The following CDK14 variants were observed in gnomAD, a reference collection of about 807,000 sequenced individuals.
The protein encoded by CDK14 is cyclin dependent kinase 14.
A neutral mutation model predicts 60.7 loss-of-function variants in CDK14; 34 were observed. The observed-to-expected ratio is 0.56, with a 90% CI of 0.43 to 0.75. CDK14 has a LOEUF of 0.75. Among genes scored for constraint, CDK14 ranks in the 30% least tolerant of loss-of-function variants. The pLI, the probability that CDK14 is intolerant of heterozygous loss-of-function variation, is 0.00. For missense variants in CDK14, 482 were observed against 564.1 expected (o/e 0.85, Z 1.47); for synonymous variants, 197 against 203.7 (o/e 0.97, Z 0.28).
chr7:91,011,965 C>G (rs1417367332), intron 10 of CDK14, among the ~76,000 whole-genome samples: 2 of 152,038 alleles, frequency 1.3e-5, no homozygotes, highest in Admixed American at 1.3e-4. Context: ...TATTTTCTTT[C>G]TACTTTGTAT....
chr7:90,676,496 C>T (rs1348865309), intron 2 of CDK14, among the ~76,000 whole-genome samples: 2 of 150,750 alleles, frequency 1.3e-5, no homozygotes, highest in Non-Finnish European at 3.0e-5. Flanking sequence ...TGGTTGGCAT[C>T]TGCAACTCCA....
intron 2 of CDK14, among the ~76,000 whole-genome samples, chr7:90,666,733 G>A (rs1800987050): frequency 6.6e-6 from 1 of 152,136 alleles, no homozygotes; most frequent in Admixed American, 6.5e-5. Flanking sequence ...ACACCAGGCA[G>A]GTTTTGTTCC....
chr7:90,997,315 A>G (rs1181404392), intron 10 of CDK14, among the ~76,000 whole-genome samples: 2 of 152,236 alleles, frequency 1.3e-5, no homozygotes, highest in South Asian at 2.1e-4. Context: ...TTGTGATGAC[A>G]GAATTATTGC....
chr7:91,034,349 C>G (rs1425643821), intron 10 of CDK14, among the ~76,000 whole-genome samples: 2 of 152,028 alleles, frequency 1.3e-5, no homozygotes, highest in Non-Finnish European at 2.9e-5. Flanking sequence ...CACAGTCATT[C>G]GCACTTTTTT....
intron 10 of CDK14, 118 bp from the exon 11 acceptor site, chr7:91,045,779 A>C (rs1797214258): frequency 9.4e-6 from 6 of 636,412 alleles, no homozygotes; most frequent in Non-Finnish European, 1.7e-5. Flanking sequence ...GGCATACGAT[A>C]ATGGAAAAAA....
intron 6 of CDK14, among the ~76,000 whole-genome samples, chr7:90,866,987 C>T (rs1450162974): frequency 1.3e-5 from 2 of 152,132 alleles, no homozygotes; most frequent in East Asian, 1.9e-4. Flanking sequence ...TTGGGAACCC[C>T]TTAGGAAATG....
intron 9 of CDK14, among the ~76,000 whole-genome samples, chr7:90,957,027 G>C (rs1021736789): frequency 3.3e-5 from 5 of 150,092 alleles, no homozygotes; most frequent in African/African-American, 1.2e-4. Context: ...TTGGACATTT[G>C]GGTTGGTTCC....
intron 9 of CDK14, among the ~76,000 whole-genome samples, chr7:90,966,646 T>G (rs997227374): frequency 5.3e-5 from 8 of 152,152 alleles, no homozygotes; most frequent in Admixed American, 3.9e-4. Context: ...CCTCCTGGGT[T>G]TAATGTCATC....
chr7:90,663,540 G>C (rs1800907307), intron 2 of CDK14, among the ~76,000 whole-genome samples: 1 of 152,104 alleles, frequency 6.6e-6, no homozygotes, highest in Non-Finnish European at 1.5e-5. Flanking sequence ...TTTTTCTAGT[G>C]TGAGAAACTA....
At chr7:90,667,736 AT>A in intron 2 of CDK14, among the ~76,000 whole-genome samples, 1 of 151,704 alleles carries the variant, frequency 6.6e-6, no homozygotes, top group East Asian at 1.9e-4. Context: ...CGCCCGGCTA[AT>A]TTTTTGTATT....
rs151176894 is a variant in CDK14 at position 91,206,041 on chromosome 7, G to A, written c.*29-1124G>A. 6.2e-3 allele frequency among the ~76,000 whole-genome samples: 944 copies of A among 152,172 alleles called. 5 individuals carry two copies. Among genetic ancestry groups the A allele is most frequent in the Middle Eastern group, 0.01 (3 of 294 alleles). Reference sequence around the variant, plus strand: ...CATCTCCTGACCTCGTGATCTGCCCGTCTCGGCCTCCCAAAGTGCTGGGAT... The same window carrying A: ...CATCTCCTGACCTCGTGATCTGCCCATCTCGGCCTCCCAAAGTGCTGGGAT... On this transcript the variant is annotated intron_variant, in intron 14 of 14. Transcript: ENST00000380050.
chr7:90,630,888 A>ATGTGTGTGTGTG (rs55859300), intron 2 of CDK14, among the ~76,000 whole-genome samples: 8,740 of 148,342 alleles, frequency 0.059, 421 homozygotes, highest in East Asian at 0.21. Context: ...TGGGGTGTGT[A>ATGTGTGTGTGTG]TGTGTGTGTG....
chr7:90,859,414 T>C (rs1790931378), intron 5 of CDK14, among the ~76,000 whole-genome samples: 1 of 152,212 alleles, frequency 6.6e-6, no homozygotes, highest in South Asian at 2.1e-4. Flanking sequence ...CTAAGTACTT[T>C]ATTTTTGCCT....
intron 3 of CDK14, among the ~76,000 whole-genome samples, chr7:90,744,767 C>A (rs1485699658): frequency 7.4e-6 from 1 of 134,988 alleles, no homozygotes; most frequent in Admixed American, 7.2e-5. Context: ...GGGCAGGGGG[C>A]TGACCCCCCC....
At chr7:90,795,740 A>G (rs1253923576) in intron 5 of CDK14, among the ~76,000 whole-genome samples, 2 of 152,146 alleles carry the variant, frequency 1.3e-5, no homozygotes, top group African/African-American at 4.8e-5. Flanking sequence ...ACTCTGGGCC[A>G]AAAAGGAACC....
chr7:90,979,613 G>A (rs762550073), intron 9 of CDK14: 17 of 152,112 alleles, frequency 1.1e-4, no homozygotes, highest in African/African-American at 2.9e-4. Context: ...AAAGTTTACC[G>A]ACCTTACGAA....
chr7:91,041,070 C>G (rs989913459), intron 10 of CDK14, among the ~76,000 whole-genome samples: 1 of 152,156 alleles, frequency 6.6e-6, no homozygotes. Flanking sequence ...TGGGCCACAC[C>G]TGCCAGGGCA....
intron 6 of CDK14, among the ~76,000 whole-genome samples, chr7:90,870,722 G>T (rs187565332): frequency 1.8e-3 from 267 of 152,226 alleles, no homozygotes; most frequent in African/African-American, 5.9e-3. Context: ...TAATGTTTGG[G>T]AAATCATCAA....
intron 2 of CDK14, among the ~76,000 whole-genome samples, chr7:90,610,465 C>T (rs1799517691): frequency 6.6e-6 from 1 of 152,220 alleles, no homozygotes; most frequent in African/African-American, 2.4e-5. Context: ...CGACCCTCCT[C>T]CACCCTTTCT....
Sources: allele counts gnomAD v4.1 joint callset (sites outside exome capture counted in the v4.1 genomes callset), GRCh38; gene constraint gnomAD v4.1.1; transcripts MANE v1.5; gene names NCBI Gene and HGNC (gene_info 2026-07-23, HGNC 2026-07-21).